The following ACE variants were observed in gnomAD, a reference collection of about 807,000 sequenced individuals.
ACE encodes the protein angiotensin I converting enzyme, also known as angiotensin-converting enzyme.
A neutral mutation model predicts 162.3 loss-of-function variants in ACE; 122 were observed. That is an observed-to-expected ratio of 0.75 (90% CI 0.65 to 0.87). ACE has a LOEUF of 0.87. Among genes scored for constraint, ACE ranks in the 40% least tolerant of loss-of-function variants. The probability of loss-of-function intolerance (pLI) is 0.00; values close to 1 mark genes in which losing one functional copy is unlikely to be tolerated. For missense variants in ACE, 1,799 were observed against 1,735.1 expected (o/e 1.04, Z -0.65); for synonymous variants, 796 against 720.6 (o/e 1.10, Z -1.68).
At chr17:63,488,890 A>C (rs12709431) in intron 16 of ACE, 51 bp from the exon 17 acceptor site, 1 of 1,613,684 alleles carries the variant, frequency 6.2e-7, no homozygotes, top group African/African-American at 1.3e-5. Context: ...AGATCCCTGG[A>C]GGAGGCAGGT....
chr17:63,481,501 C>A, intron 6 of ACE, 65 bp from the exon 7 acceptor site: 1 of 1,581,830 alleles, frequency 6.3e-7, no homozygotes. Context: ...GATGGGGACC[C>A]CAGCCCTGTC....
chr17:63,477,661 C>T, intron 1 of ACE: 1 of 496,870 alleles, frequency 2.0e-6, no homozygotes, highest in Non-Finnish European at 3.6e-6. Context: ...GTCGCTGTCA[C>T]CGTCACCGCA....
chr17:63,488,230 A>G (rs1437098557), intron 15 of ACE, among the ~76,000 whole-genome samples: 2 of 152,008 alleles, frequency 1.3e-5, no homozygotes, highest in African/African-American at 4.8e-5. Context: ...GTGGTGGTGC[A>G]TGCCTGTAGT....
Position 63,488,360 on chromosome 17 carries a change from G to GAA in ACE, c.2306-268_2306-267dup, listed in dbSNP as rs561946751. Among the ~76,000 whole-genome samples the GAA allele has an allele frequency of 4.9e-3, 480 of 98,414 alleles. 9 individuals are homozygous for GAA. The highest frequency in any genetic ancestry group is 0.018 in the African/African-American group (442 of 24,716). The allele number at this position is 98,414 out of a possible 152,430, so 64.6% of individuals were successfully genotyped here. ...GGCAACAGAGTGAGACCCTGTCTCA[G>GAA]AAAAAAAAAAAAAAAAAAAAAGGAG... On this transcript the variant is annotated intron_variant, in intron 15 of 24. Coordinates refer to ENST00000290866, the MANE Select transcript of ACE (RefSeq NM_000789.4).
At position 63,486,579 on chromosome 17, in the gene ACE, C is replaced by T; in HGVS notation, c.2081C>T (p.Ala694Val). 2 of 1,614,194 alleles carry T rather than the reference C, an allele frequency of 1.2e-6. No homozygotes were observed. Among genetic ancestry groups the T allele is most frequent in the Non-Finnish European group, 1.7e-6 (2 of 1,180,032 alleles). Residue 694 changes from alanine to valine, a missense_variant, in exon 14 of 25, where the codon GCC (alanine) becomes GTC (valine). Transcript: ENST00000290866. Reference sequence around the variant, plus strand: ...CAGCTGCAGAAGAACATGCAAATAGCCAACCACACCCTGAAGTACGGCACC... The same window carrying T: ...CAGCTGCAGAAGAACATGCAAATAGTCAACCACACCCTGAAGTACGGCACC... ...KILLQKNMQI[A>V]NHTLKYGTQA...
Position 63,484,830 on chromosome 17 carries a change from A to G in ACE, c.1921+289A>G. The G allele has an allele frequency of 1.3e-6, 2 of 1,537,164 alleles. No homozygotes were observed. Among genetic ancestry groups the G allele is most frequent in the Non-Finnish European group, 1.8e-6 (2 of 1,140,560 alleles). ...ACTGCGGGCTCCGCTCTTATTGGCC[A>G]GGGGACGGTAGCTGCAGGACTCTGC... On this transcript the variant is annotated intron_variant, in intron 12 of 24. Coordinates refer to ENST00000290866, the MANE Select transcript of ACE (RefSeq NM_000789.4). This position sits in a 1 kb window ranked among gnomAD's most constrained non-coding sequence, Gnocchi z 4.0.
intron 13 of ACE, 50 bp from the exon 14 acceptor site, chr17:63,486,507 G>A (rs1211929893): frequency 6.2e-7 from 1 of 1,608,998 alleles, no homozygotes; most frequent in African/African-American, 1.3e-5. Context: ...CCGCTCAGAG[G>A]CTGCTCTGGA....
chr17:63,481,705 C>A lies in ACE; in HGVS notation c.1085C>A (p.Ser362Ter). ...GGGCGGGAAGTGGTGTGCCACGCCTCGGCTTGGGACTTCTACAACAGGAAA... is the reference window on the plus strand; with the variant it reads ...GGGCGGGAAGTGGTGTGCCACGCCTAGGCTTGGGACTTCTACAACAGGAAA... ...ADGREVVCHA[S>*]AWDFYNRKDF... The change falls in exon 7 of 25, where the codon TCG (serine) becomes TAG (stop). Residue 362 changes from serine (S) to a stop codon, truncating the protein, a stop_gained. Coordinates refer to ENST00000290866, the MANE Select transcript of ACE (RefSeq NM_000789.4). LOFTEE classifies it high-confidence loss of function. 1 of 1,614,158 alleles carries A rather than the reference C, an allele frequency of 6.2e-7. No individual in the cohort carries two copies. Among genetic ancestry groups the A allele is most frequent in the Non-Finnish European group, 8.5e-7 (1 of 1,180,034 alleles).
rs1489956918 is a variant in ACE at position 63,483,882 on chromosome 17, C to T, written c.1620C>T (p.Phe540=). 6.2e-7 allele frequency: 1 copy of T among 1,614,030 alleles called. No individual in the cohort carries two copies. The highest frequency in any genetic ancestry group is 1.3e-5 in the African/African-American group (1 of 74,930). ...YFVSFVLQFQ[F]HEALCKEAGY... ...TGAGTTTTGTCCTGCAGTTCCAGTTCCATGAAGCCCTGTGCAAGGAGGCAG... is the reference window on the plus strand; with the variant it reads ...TGAGTTTTGTCCTGCAGTTCCAGTTTCATGAAGCCCTGTGCAAGGAGGCAG... Residue 540 remains phenylalanine, a synonymous_variant, in exon 11 of 25, where the codon TTC becomes TTT. Coordinates refer to ENST00000290866, the MANE Select transcript of ACE (RefSeq NM_000789.4).
intron 15 of ACE, among the ~76,000 whole-genome samples, chr17:63,487,747 G>A (rs1008794424): frequency 6.6e-6 from 1 of 152,168 alleles, no homozygotes; most frequent in African/African-American, 2.4e-5. Context: ...CCTTTCCAGG[G>A]TTGGAGAACT....
Position 63,485,434 on chromosome 17 carries a change from G to A in ACE, c.2058+62G>A, listed in dbSNP as rs544202599. On this transcript the variant is annotated intron_variant, in intron 13 of 24. Transcript: ENST00000290866. Reference sequence around the variant, plus strand: ...TGCATACACACAGAGATGCTGTCCCGCTCACCACACAGTGGGGCTGCCACC... The same window carrying A: ...TGCATACACACAGAGATGCTGTCCCACTCACCACACAGTGGGGCTGCCACC... The A allele has an allele frequency of 7.2e-5, 115 of 1,596,686 alleles. 1 individual carries two copies. The African/African-American group carries it at 1.0e-3, about 14-fold the overall frequency.
At chr17:63,479,733 A>G (rs1330131665) in intron 3 of ACE, 36 bp from the exon 4 acceptor site, 3 of 1,611,734 alleles carry the variant, frequency 1.9e-6, no homozygotes, top group Non-Finnish European at 2.5e-6. Context: ...TTCAACGTGG[A>G]GGCCTCCTCA....
rs1277047671 is a variant in ACE, at chr17:63,477,067, G to A, written c.-28G>A. ...AGGGCGGCCGCGGCGCAGGAGAAGG[G>A]GCAGAGCCGAGCACCGCGCACCGCG... On this transcript the variant is annotated 5_prime_UTR_variant, in exon 1 of 25. Transcript: ENST00000290866. 2.4e-6 allele frequency: 3 copies of A among 1,273,150 alleles called. No individual in the cohort carries two copies. The highest frequency in any genetic ancestry group is 3.3e-5 in the East Asian group (1 of 30,246). 78.9% of individuals were successfully genotyped at this position (1,273,150 alleles called of 1,614,324 possible). A position where few individuals can be genotyped will look rare whatever the true frequency, so the allele number is the denominator to read the frequency against.
intron 19 of ACE, among the ~76,000 whole-genome samples, chr17:63,492,506 G>C (rs1364412468): frequency 2.6e-5 from 4 of 152,268 alleles, no homozygotes; most frequent in Non-Finnish European, 5.9e-5. Flanking sequence ...ACAGGGCTGA[G>C]AGGAGACAGG....
intron 4 of ACE, 140 bp downstream of exon 4, chr17:63,480,052 G>T: frequency 7.4e-7 from 1 of 1,354,156 alleles, no homozygotes; most frequent in East Asian, 2.5e-5. Context: ...AGTGGAGGTG[G>T]GACCGGCCTG....
In ACE at chr17:63,481,102, G is replaced by T. The variant is rs1218416633; in HGVS notation, c.859G>T (p.Ala287Ser). Residue 287 changes from alanine to serine, a missense_variant, in exon 6 of 25, where the codon GCC becomes TCC. Physicochemically the swap from Ala to Ser is moderately conservative, Grantham distance 99 (BLOSUM62 1). Transcript: ENST00000290866. ...IPAHLLGDMW[A>S]QSWENIYDMV... is the part of the protein sequence containing the mutation. ...CCTTCCTTATCTAGGAGACATGTGGGCCCAGAGCTGGGAAAACATCTACGA... is the reference window on the plus strand; with the variant it reads ...CCTTCCTTATCTAGGAGACATGTGGTCCCAGAGCTGGGAAAACATCTACGA... 6.2e-7 allele frequency: 1 copy of T among 1,614,030 alleles called. No individual in the cohort carries two copies. The highest frequency in any genetic ancestry group is 1.1e-5 in the South Asian group (1 of 91,088).
rs1202666638 is a variant in ACE, at chr17:63,497,501, C to A, written c.*135C>A. ...CCTGCCCTGTCCCTGTCCCCCTCCCCTCCCAGTCCTCCAGACCACCAGCCG... is the reference window on the plus strand; with the variant it reads ...CCTGCCCTGTCCCTGTCCCCCTCCCATCCCAGTCCTCCAGACCACCAGCCG... On this transcript the variant is annotated 3_prime_UTR_variant, in exon 25 of 25. Coordinates refer to ENST00000290866, the MANE Select transcript of ACE (RefSeq NM_000789.4). The A allele has an allele frequency of 1.2e-6, 1 of 837,884 alleles. No homozygotes were observed. Among genetic ancestry groups the A allele is most frequent in the South Asian group, 1.4e-5 (1 of 69,494 alleles). The allele number at this position is 837,884 out of a possible 1,614,324, so 51.9% of individuals were successfully genotyped here.
rs761458810 is a variant in ACE at position 63,488,757 on chromosome 17, C to T, written c.2415C>T (p.Tyr805=). 12 of 1,613,894 alleles carry T rather than the reference C, an allele frequency of 7.4e-6. No individual in the cohort carries two copies. In the Admixed American group the frequency reaches 8.3e-5, roughly 11 times the overall value. The change falls in exon 16 of 25, where the codon TAC becomes TAT. Residue 805 remains tyrosine, a synonymous_variant. Transcript: ENST00000290866. ...CCATCCTCCAGTTTTACCCGAAATA[C>T]GTGGAACTCATCAACCAGGCTGCCC... The part of the protein sequence containing the change: ...GRAILQFYPK[Y]VELINQAARL...
rs2030204386 is a variant in ACE, at chr17:63,489,145, G to A, written c.2641+13G>A. 1 of 1,604,702 alleles carries A rather than the reference G, an allele frequency of 6.2e-7. No individual in the cohort carries two copies. Among genetic ancestry groups the A allele is most frequent in the East Asian group, 2.2e-5 (1 of 44,880 alleles). ...GCTCACCTGCTGGGTAAGGGCACAT[G>A]TCGGGCCTTGAGGAGGGTAAAGACG... On this transcript the variant is annotated intron_variant, in intron 17 of 24. Transcript: ENST00000290866.
Sources: allele counts gnomAD v4.1 joint callset (sites outside exome capture counted in the v4.1 genomes callset), GRCh38; gene constraint gnomAD v4.1.1; non-coding constraint Gnocchi (gnomAD v3.1); transcripts MANE v1.5; gene names NCBI Gene and HGNC (gene_info 2026-07-23, HGNC 2026-07-21).